Variants in RTN4 observed in about 807,000 individuals in gnomAD.
The protein encoded by RTN4 is reticulon-4.
Under a neutral mutation model 90.4 loss-of-function variants are expected in RTN4, and 32 were observed. The ratio of observed to expected loss-of-function variants is 0.35; its 90% confidence interval spans 0.27 to 0.48. RTN4 has a LOEUF of 0.48. RTN4 is among the 20% of genes least tolerant of loss of function. The pLI, the probability that RTN4 is intolerant of heterozygous loss-of-function variation, is 0.99. For synonymous variants in RTN4, 629 were observed against 552.5 expected (o/e 1.14, Z -1.94); for missense variants, 1,706 against 1,430.2 (o/e 1.19, Z -3.11).
chr2:55,050,830 T>TC (rs1668069802), upstream of RTN4: 3 of 150,316 alleles, frequency 2.0e-5, no homozygotes, highest in East Asian at 3.9e-4. This position sits in a 1 kb window ranked among gnomAD's most constrained non-coding sequence, Gnocchi z 4.6. Context: ...CGTCCGTATG[T>TC]CGTTAGAGCA....
chr2:55,111,933 G>A (rs1268373896), intron 1 of RTN4, among the ~76,000 whole-genome samples: 1 of 152,150 alleles, frequency 6.6e-6, no homozygotes, highest in Non-Finnish European at 1.5e-5. Context: ...CGCCTCTGTG[G>A]GCACGCACTG....
chr2:55,048,023 A>G (rs1463185796), intron 1 of RTN4, among the ~76,000 whole-genome samples: 2 of 152,226 alleles, frequency 1.3e-5, no homozygotes, highest in Non-Finnish European at 1.5e-5. Context: ...TAGATGGTAG[A>G]GCCTACTACA....
At chr2:55,009,990 C>A in intron 3 of RTN4, 2 of 1,408,988 alleles carry the variant, frequency 1.4e-6, no homozygotes, top group Non-Finnish European at 2.0e-6. Flanking sequence ...AGAGGTTTCA[C>A]TTTCAATCCA....
chr2:55,028,398 T>G (rs1682067014), intron 1 of RTN4, among the ~76,000 whole-genome samples, 178 bp from the exon 2 acceptor site: 1 of 152,170 alleles, frequency 6.6e-6, no homozygotes, highest in Non-Finnish European at 1.5e-5. Context: ...GGTTAAATCA[T>G]CATATGTATT....
chr2:55,054,527 G>T (rs1668156030), upstream of RTN4, among the ~76,000 whole-genome samples: 1 of 152,078 alleles, frequency 6.6e-6, no homozygotes, highest in South Asian at 2.1e-4. Context: ...ACCTAAACTG[G>T]TATTTGTAGA....
chr2:55,104,990 A>G (rs1429125764), intron 1 of RTN4, among the ~76,000 whole-genome samples: 1 of 151,690 alleles, frequency 6.6e-6, no homozygotes, highest in African/African-American at 2.4e-5. Context: ...TATTTTTTGT[A>G]GAGATGAGGT....
intron 1 of RTN4, among the ~76,000 whole-genome samples, chr2:55,103,910 G>C (rs1403509548): frequency 2.0e-5 from 3 of 152,052 alleles, no homozygotes; most frequent in African/African-American, 7.3e-5. Flanking sequence ...GGCCAGGCTG[G>C]TCTCAAACTC....
chr2:55,009,067 TC>T (rs1393958080), intron 3 of RTN4, among the ~76,000 whole-genome samples: 2 of 152,136 alleles, frequency 1.3e-5, no homozygotes, highest in Admixed American at 6.6e-5. Context: ...ATTCACCTTT[TC>T]CCCACATCTT....
At chr2:55,017,561 G>A (rs1022024486) in intron 3 of RTN4, among the ~76,000 whole-genome samples, 3 of 152,034 alleles carry the variant, frequency 2.0e-5, no homozygotes, top group Admixed American at 6.6e-5. Context: ...TCTATATTTC[G>A]ATTACGAACT....
chr2:55,042,185 G>A (rs1339211371), intron 1 of RTN4, among the ~76,000 whole-genome samples: 1 of 152,122 alleles, frequency 6.6e-6, no homozygotes, highest in Non-Finnish European at 1.5e-5. Context: ...ACAGGTTGGT[G>A]GGAATAAAGG....
chr2:55,084,303 C>CTT (rs145530803), intron 1 of RTN4, among the ~76,000 whole-genome samples: 10 of 141,180 alleles, frequency 7.1e-5, no homozygotes, highest in African/African-American at 1.6e-4. Context: ...TCCCCCCTGC[C>CTT]TTTTTTTTTT....
chr2:55,020,933 C>G (rs1432907421), intron 3 of RTN4, among the ~76,000 whole-genome samples: 4 of 152,190 alleles, frequency 2.6e-5, no homozygotes, highest in East Asian at 3.9e-4. Context: ...GAGGTTGAGG[C>G]TGCAGTGAGC....
chr2:54,999,313 G>C (rs1679683737), intron 3 of RTN4, among the ~76,000 whole-genome samples: 1 of 152,098 alleles, frequency 6.6e-6, no homozygotes, highest in Admixed American at 6.6e-5. Context: ...ATCACAAACT[G>C]TCATCTGCCA....
At chr2:55,033,750 ATTGATATATAACAGTTG>A (rs1230422363) in intron 1 of RTN4, among the ~76,000 whole-genome samples, 1 of 152,176 alleles carries the variant, frequency 6.6e-6, no homozygotes, top group Non-Finnish European at 1.5e-5. Flanking sequence ...TTATTTTTTA[ATTGATATATAACAGTTG>A]TTTTATATTT....
intron 1 of RTN4, among the ~76,000 whole-genome samples, chr2:55,111,546 C>G (rs558002563): frequency 1.3e-5 from 2 of 152,276 alleles, no homozygotes; most frequent in Admixed American, 1.3e-4. Flanking sequence ...GAGGATTGTT[C>G]CCCAATCCAG....
intron 1 of RTN4, among the ~76,000 whole-genome samples, chr2:55,108,876 A>G (rs543791469): frequency 6.6e-6 from 1 of 152,268 alleles, no homozygotes; most frequent in African/African-American, 2.4e-5. Context: ...CTTCACAGCC[A>G]TATTCCTCAC....
chr2:55,115,277 A>G (rs914603669), upstream of RTN4, among the ~76,000 whole-genome samples: 2 of 152,186 alleles, frequency 1.3e-5, no homozygotes, highest in African/African-American at 4.8e-5. Context: ...ATCTGTTTCT[A>G]TGCCTTTTCT....
intron 1 of RTN4, among the ~76,000 whole-genome samples, chr2:55,108,645 C>T (rs906230370): frequency 6.6e-6 from 1 of 152,048 alleles, no homozygotes; most frequent in African/African-American, 2.4e-5. Context: ...AGCCACAGGG[C>T]CATGCCCCTA....
chr2:55,031,547 T>C (rs1682317435), intron 1 of RTN4, among the ~76,000 whole-genome samples: 1 of 152,206 alleles, frequency 6.6e-6, no homozygotes, highest in South Asian at 2.1e-4. Flanking sequence ...ATGGTAGAGC[T>C]GCAAATTAAC....
Sources: gnomAD v4.1 joint callset for allele counts (sites outside exome capture counted in the v4.1 genomes callset) on GRCh38, gnomAD v4.1.1 for gene constraint, Gnocchi (gnomAD v3.1) non-coding constraint, MANE v1.5 for transcripts, NCBI Gene and HGNC (gene_info 2026-07-23, HGNC 2026-07-21) for gene names.